The following SV2B variants were observed in gnomAD, a reference collection of about 807,000 sequenced individuals.
SV2B encodes the protein solute carrier family 22 member B2.
Under a neutral mutation model 73.9 loss-of-function variants are expected in SV2B, and 41 were observed. The ratio of observed to expected loss-of-function variants is 0.56; its 90% CI spans 0.43 to 0.72. The LOEUF (loss-of-function observed/expected upper bound fraction) is 0.72. SV2B is among the 30% of genes least tolerant of loss of function. The pLI, the probability that SV2B is intolerant of heterozygous loss-of-function variation, is 0.00. For synonymous variants in SV2B, 314 were observed against 314.2 expected, an observed-to-expected ratio of 1.00 and a Z score of 0.01; for missense variants, 764 against 857.8, an observed-to-expected ratio of 0.89 and a Z score of 1.37.
chr15:91,259,410 T>A (rs941021259), intron 5 of SV2B, among the ~76,000 whole-genome samples: 2 of 152,126 alleles, frequency 1.3e-5, no homozygotes, highest in Non-Finnish European at 2.9e-5. Context: ...TCTGCCTCCT[T>A]CCTAAGCCAT....
At chr15:91,277,476 C>A (rs1270014248) in intron 9 of SV2B, among the ~76,000 whole-genome samples, 8 of 152,184 alleles carry the variant, frequency 5.3e-5, no homozygotes, top group Admixed American at 5.2e-4. Context: ...TTCCCCATGC[C>A]ATTTTGTGGT....
At chr15:91,148,073 C>A (rs757552898) in intron 1 of SV2B, among the ~76,000 whole-genome samples, 1 of 142,710 alleles carries the variant, frequency 7.0e-6, no homozygotes, top group Non-Finnish European at 1.5e-5. Flanking sequence ...TTCCGCCTCC[C>A]GGGTTCAAGC....
intron 1 of SV2B, among the ~76,000 whole-genome samples, chr15:91,204,176 A>G (rs574351643): frequency 1.3e-4 from 20 of 152,274 alleles, no homozygotes; most frequent in African/African-American, 3.9e-4. Context: ...TGACCCTGCT[A>G]TGTCCACCCG....
Position 91,121,049 on chromosome 15 carries a change from A to C in SV2B, c.-392+20686A>C, listed in dbSNP as rs141317309. On this transcript the variant is annotated intron_variant, in intron 1 of 12. Transcript: ENST00000394232. This position sits in a 1 kb window ranked among gnomAD's most constrained non-coding sequence, Gnocchi z 4.4. ...TCATCCCCTCGCTTAAGATTTTTGC[A>C]AATTGTTTCCCATGGTTTAAGGTGG... 4.0e-3 allele frequency among the ~76,000 whole-genome samples: 603 copies of C among 152,266 alleles called. 4 individuals carry two copies. Among genetic ancestry groups the C allele is most frequent in the Non-Finnish European group, 6.8e-3 (464 of 68,020 alleles).
chr15:91,181,625 A>C (rs1461350990), intron 1 of SV2B, among the ~76,000 whole-genome samples: 1 of 151,712 alleles, frequency 6.6e-6, no homozygotes, highest in African/African-American at 2.4e-5. Flanking sequence ...TTTTTGACAA[A>C]CGTTTTTGTT....
At chr15:91,243,897 G>C (rs565542523) in intron 2 of SV2B, among the ~76,000 whole-genome samples, 51 of 152,286 alleles carry the variant, frequency 3.3e-4, no homozygotes, top group African/African-American at 1.1e-3. Context: ...GGGCGGTTCT[G>C]CTCTTCTGCT....
rs1338531201 is a variant in SV2B at position 91,122,076 on chromosome 15, A to G, written c.-392+21713A>G. 6.6e-6 allele frequency among the ~76,000 whole-genome samples: 1 copy of G among 152,048 alleles called. No individual in the cohort carries two copies. Among genetic ancestry groups the G allele is most frequent in the Non-Finnish European group, 1.5e-5 (1 of 68,000 alleles). ...GGCGTGAGCCACTGCGCCCGGCCCA[A>G]TGGTGTTTTAAAAGTAATGCTTGCC... On this transcript the variant is annotated intron_variant, in intron 1 of 12. Transcript: ENST00000394232. The surrounding 1 kb of genome is among the most constrained non-coding windows in gnomAD (Gnocchi z 4.3).
chr15:91,292,564 G>A lies in SV2B; in HGVS notation c.*12G>A. The A allele has an allele frequency of 6.2e-7, 1 of 1,607,150 alleles. No homozygotes were observed. Among genetic ancestry groups the A allele is most frequent in the Non-Finnish European group, 8.5e-7 (1 of 1,177,306 alleles). On this transcript the variant is annotated 3_prime_UTR_variant, in exon 13 of 13. Coordinates refer to ENST00000394232, the MANE Select transcript of SV2B (RefSeq NM_001323032.3). ...AGGTCCTGATGTGAACAACCTATGG[G>A]AAAAGGAAAGGTCGAGAGAATCTTG... is the stretch of plus-strand genomic sequence containing the variant.
intron 4 of SV2B, among the ~76,000 whole-genome samples, chr15:91,257,083 A>T (rs2047724089): frequency 6.6e-6 from 1 of 152,240 alleles, no homozygotes; most frequent in Non-Finnish European, 1.5e-5. Flanking sequence ...ACTTTATGGC[A>T]TGAGAAAACC....
rs932443697 is a variant in SV2B at position 91,115,952 on chromosome 15, C to T, written c.-392+15589C>T. On this transcript the variant is annotated intron_variant, in intron 1 of 12. Coordinates refer to ENST00000394232, the MANE Select transcript of SV2B (RefSeq NM_001323032.3). The surrounding 1 kb of genome is among the most constrained non-coding windows in gnomAD (Gnocchi z 4.3). ...GTAAAGAAGCTTTGTTTCACATACA[C>T]CTTAACAGAGTACATGCACACACAT... Among the ~76,000 whole-genome samples the T allele has an allele frequency of 3.9e-5, 6 of 152,030 alleles. No individual in the cohort carries two copies. Among genetic ancestry groups the T allele is most frequent in the African/African-American group, 1.4e-4 (6 of 41,388 alleles).
rs540566685 is a variant in SV2B at position 91,116,646 on chromosome 15, C to A, written c.-392+16283C>A. Among the ~76,000 whole-genome samples the A allele has an allele frequency of 2.6e-5, 4 of 152,266 alleles. No homozygotes were observed. In the East Asian group the frequency reaches 7.7e-4, roughly 29 times the overall value. ...ATCCTCTTTGCATGCACTGACAGAG[C>A]TAGAAAAATTGCCTCAGCCCTTGCA... On this transcript the variant is annotated intron_variant, in intron 1 of 12. Coordinates refer to ENST00000394232, the MANE Select transcript of SV2B (RefSeq NM_001323032.3).
rs575838093 is a variant in SV2B, at chr15:91,227,156, C to T, written c.451+442C>T. 3.3e-5 allele frequency among the ~76,000 whole-genome samples: 5 copies of T among 152,158 alleles called. No homozygotes were observed. The highest frequency in any genetic ancestry group is 5.9e-5 in the Non-Finnish European group (4 of 67,992). ...CTTCTCTCTGTGTCTTTCCAGAGTCCGATGGTGTCTGTTCCTGGTTTCTCA... is the reference window on the plus strand; with the variant it reads ...CTTCTCTCTGTGTCTTTCCAGAGTCTGATGGTGTCTGTTCCTGGTTTCTCA... On this transcript the variant is annotated intron_variant, in intron 2 of 12. Coordinates refer to ENST00000394232, the MANE Select transcript of SV2B (RefSeq NM_001323032.3). The surrounding 1 kb of genome is among the most constrained non-coding windows in gnomAD (Gnocchi z 4.5).
At chr15:91,249,347 CTCT>C (rs1177906709) in intron 2 of SV2B, among the ~76,000 whole-genome samples, 1 of 152,200 alleles carries the variant, frequency 6.6e-6, no homozygotes, top group Non-Finnish European at 1.5e-5. Context: ...CCAAGGTTTG[CTCT>C]TCTTCTGGGT....
Position 91,268,497 on chromosome 15 carries a change from A to G in SV2B, c.1265A>G (p.Glu422Gly). 1.9e-6 allele frequency: 3 copies of G among 1,614,138 alleles called. No individual in the cohort carries two copies. Among genetic ancestry groups the G allele is most frequent in the Non-Finnish European group, 2.5e-6 (3 of 1,179,978 alleles). ...PDMIRYFQDE[E>G]YKSKMKVFFG... ...ATGATCCGCTATTTTCAAGATGAAG[A>G]ATACAAGTCTAAAATGAAGGTGTTT... The change falls in exon 9 of 13, where the codon GAA (glutamate) becomes GGA (glycine). Residue 422 changes from glutamate (E) to glycine (G), a missense_variant. Physicochemically the swap from Glu to Gly is moderately conservative, Grantham distance 98. Transcript: ENST00000394232. The surrounding 1 kb of genome is among the most constrained non-coding windows in gnomAD (Gnocchi z 4.4).
chr15:91,155,692 G>A (rs12148251), intron 1 of SV2B, among the ~76,000 whole-genome samples: 43,383 of 151,940 alleles, frequency 0.29, 6,647 homozygotes, highest in Non-Finnish European at 0.33. Context: ...CTCCCTCACA[G>A]TAGCCTTTAT....
intron 1 of SV2B, among the ~76,000 whole-genome samples, chr15:91,177,448 TG>T: frequency 1.3e-5 from 2 of 151,846 alleles, no homozygotes; most frequent in East Asian, 3.9e-4. Context: ...GGTAGCTTGA[TG>T]GGGATGGCAT....
Position 91,287,832 on chromosome 15 carries a change from G to A in SV2B, c.1709-1689G>A, listed in dbSNP as rs2048912090. On this transcript the variant is annotated intron_variant, in intron 11 of 12. Coordinates refer to ENST00000394232, the MANE Select transcript of SV2B (RefSeq NM_001323032.3). The stretch of plus-strand genomic sequence containing the variant: ...AGGCAGGTGAGGCACCCAGACACTA[G>A]CAAAAGTGAGAAGCAGTCACCACCT... Among the ~76,000 whole-genome samples, 3 of 152,196 alleles carry A rather than the reference G, an allele frequency of 2.0e-5. No homozygotes were observed. The South Asian group carries it at 6.2e-4, about 32-fold the overall frequency.
intron 9 of SV2B, among the ~76,000 whole-genome samples, chr15:91,274,857 CG>C (rs1265457129): frequency 2.0e-5 from 3 of 152,032 alleles, no homozygotes; most frequent in African/African-American, 7.2e-5. Flanking sequence ...TTATATGTTA[CG>C]GGTGAATTGA....
At chr15:91,274,046 A>G (rs981958190) in intron 9 of SV2B, among the ~76,000 whole-genome samples, 1 of 132,240 alleles carries the variant, frequency 7.6e-6, no homozygotes, top group Admixed American at 7.3e-5. Flanking sequence ...GGAGAAAACT[A>G]TATAACTCAA....
Sources: gnomAD v4.1 joint callset for allele counts (sites outside exome capture counted in the v4.1 genomes callset) on GRCh38, gnomAD v4.1.1 for gene constraint, Gnocchi (gnomAD v3.1) non-coding constraint, MANE v1.5 for transcripts, NCBI Gene and HGNC (gene_info 2026-07-23, HGNC 2026-07-21) for gene names.